Variants in LIMA1 observed in about 807,000 individuals in gnomAD.
The protein encoded by LIMA1 is LIM domain and actin-binding protein 1.
A neutral mutation model predicts 62.6 loss-of-function variants in LIMA1; 52 were observed. The ratio of observed to expected loss-of-function variants is 0.83; its 90% CI spans 0.67 to 1.05. The LOEUF is 1.05. Ranked by LOEUF, LIMA1 falls within the 50% of genes least tolerant of loss-of-function variation. The probability of loss-of-function intolerance (pLI) is 0.00; values close to 1 mark genes in which losing one functional copy is unlikely to be tolerated. For synonymous variants in LIMA1, 302 were observed against 317.8 expected (o/e 0.95, Z 0.53); for missense variants, 780 against 902.2 (o/e 0.86, Z 1.74).
Position 50,222,446 on chromosome 12 carries a change from G to C in LIMA1, c.205C>G (p.Leu69Val), listed in dbSNP as rs748740199. ...NLSQHFRKGT[L>V]TVLKKKWENP... Reference sequence around the variant, plus strand: ...TCCCACTTCTTCTTTAACACAGTCAGGGTCCCCTTTCTAAAGTGCTGGGAG... The same window carrying C: ...TCCCACTTCTTCTTTAACACAGTCACGGTCCCCTTTCTAAAGTGCTGGGAG... Residue 69 changes from leucine (L) to valine (V), a missense_variant, in exon 4 of 11, where the codon CTG becomes GTG. Leu to Val is a conservative substitution (Grantham distance 32, BLOSUM62 1). Coordinates refer to ENST00000341247, the MANE Select transcript of LIMA1 (RefSeq NM_016357.5). 2.5e-6 allele frequency: 4 copies of C among 1,614,170 alleles called. No individual in the cohort carries two copies. Among genetic ancestry groups the C allele is most frequent in the Non-Finnish European group, 3.4e-6 (4 of 1,180,026 alleles).
intron 1 of LIMA1, among the ~76,000 whole-genome samples, chr12:50,280,185 C>T (rs574189402): frequency 9.3e-6 from 1 of 107,210 alleles, no homozygotes; most frequent in Non-Finnish European, 1.7e-5. Flanking sequence ...GACGGAGTCT[C>T]ACTCTGTCAC....
chr12:50,260,878 T>G (rs116667672), intron 1 of LIMA1, among the ~76,000 whole-genome samples: 3,157 of 136,382 alleles, frequency 0.023, 115 homozygotes, highest in African/African-American at 0.084. Flanking sequence ...TGTTGAGATC[T>G]CTCACCACGA....
chr12:50,212,789 G>A (rs1482757051), intron 4 of LIMA1, among the ~76,000 whole-genome samples: 3 of 151,948 alleles, frequency 2.0e-5, no homozygotes, highest in Admixed American at 6.6e-5. Flanking sequence ...TAAGAACAAT[G>A]TTTAATGAAT....
chr12:50,238,522 A>C (rs1941728910), intron 2 of LIMA1, among the ~76,000 whole-genome samples: 1 of 151,570 alleles, frequency 6.6e-6, no homozygotes, highest in South Asian at 2.1e-4. Context: ...AAACAAAACA[A>C]AACAAACAAA....
At chr12:50,276,912 C>A (rs1942282204) in intron 1 of LIMA1, among the ~76,000 whole-genome samples, 1 of 151,196 alleles carries the variant, frequency 6.6e-6, no homozygotes, top group South Asian at 2.1e-4. Context: ...ATACTATATA[C>A]AAAATTAAAA....
At chr12:50,221,974 A>G in intron 4 of LIMA1, 47 bp downstream of exon 4, 2 of 1,503,660 alleles carry the variant, frequency 1.3e-6, no homozygotes, top group South Asian at 1.3e-5. Context: ...AGCTTTGTTT[A>G]GTGCTTGAAT....
chr12:50,205,757 T>C (rs1279418283), intron 5 of LIMA1, among the ~76,000 whole-genome samples: 1 of 129,192 alleles, frequency 7.7e-6, no homozygotes, highest in African/African-American at 3.1e-5. Context: ...CTCATGCCTG[T>C]AATCCCAGCA....
intron 1 of LIMA1, among the ~76,000 whole-genome samples, chr12:50,259,618 T>C (rs996899699): frequency 4.6e-5 from 7 of 152,178 alleles, no homozygotes; most frequent in Non-Finnish European, 8.8e-5. Context: ...ATGGAACCAC[T>C]AAATAACATC....
intron 4 of LIMA1, among the ~76,000 whole-genome samples, chr12:50,209,581 A>T (rs1021298778): frequency 8.0e-6 from 1 of 125,596 alleles, no homozygotes; most frequent in Non-Finnish European, 1.7e-5. Context: ...AAAAAAAAAA[A>T]AAAAAAGAAA....
intron 1 of LIMA1, among the ~76,000 whole-genome samples, chr12:50,282,163 C>T (rs530052219): frequency 1.3e-5 from 2 of 152,250 alleles, no homozygotes; most frequent in South Asian, 4.1e-4. Flanking sequence ...CTATCTAAAA[C>T]GTGATCATCC....
At chr12:50,188,056 AG>A (rs1196524501) in intron 9 of LIMA1, 6 of 152,348 alleles carry the variant, frequency 3.9e-5, no homozygotes, top group African/African-American at 1.4e-4. Context: ...AGTCTTACCA[AG>A]TAAGCTCTGT....
intron 1 of LIMA1, among the ~76,000 whole-genome samples, chr12:50,280,306 C>T (rs1238481498): frequency 6.6e-6 from 1 of 151,892 alleles, no homozygotes; most frequent in Non-Finnish European, 1.5e-5. Context: ...AGGCGCCTGC[C>T]ACCACGCCCG....
chr12:50,194,915 G>C (rs1328698122), intron 8 of LIMA1, among the ~76,000 whole-genome samples: 1 of 152,044 alleles, frequency 6.6e-6, no homozygotes, highest in Admixed American at 6.6e-5. Flanking sequence ...AGGCATGGTG[G>C]TGTGCGCCTG....
At chr12:50,255,067 A>G (rs1034746465) in intron 1 of LIMA1, among the ~76,000 whole-genome samples, 1 of 151,084 alleles carries the variant, frequency 6.6e-6, no homozygotes, top group African/African-American at 2.4e-5. Flanking sequence ...CCACCAAACC[A>G]AACCAAAAAA....
At chr12:50,267,092 C>T (rs998556494) in intron 1 of LIMA1, among the ~76,000 whole-genome samples, 4 of 152,008 alleles carry the variant, frequency 2.6e-5, no homozygotes, top group South Asian at 2.1e-4. Flanking sequence ...TTTTTTGAGA[C>T]GGAGTCTAGC....
At chr12:50,202,334 C>T (rs1941068051) in intron 6 of LIMA1, among the ~76,000 whole-genome samples, 1 of 151,926 alleles carries the variant, frequency 6.6e-6, no homozygotes, top group Admixed American at 6.6e-5. Flanking sequence ...AAAGAGTTTT[C>T]AACTCTTAAA....
chr12:50,264,259 A>T (rs1238409070), intron 1 of LIMA1, among the ~76,000 whole-genome samples: 1 of 152,170 alleles, frequency 6.6e-6, no homozygotes, highest in African/African-American at 2.4e-5. Context: ...TTTTCTCTGG[A>T]AGGTGATAAA....
At chr12:50,243,156 A>G (rs1297338183) in intron 2 of LIMA1, among the ~76,000 whole-genome samples, 1 of 152,360 alleles carries the variant, frequency 6.6e-6, no homozygotes, top group East Asian at 1.9e-4. Flanking sequence ...ATAAAGGACC[A>G]TGGGACACAA....
rs1243187315 is a variant in LIMA1 at position 50,177,579 on chromosome 12, G to A, written c.1765C>T (p.Arg589Cys). The A allele has an allele frequency of 2.5e-6, 4 of 1,611,536 alleles. No homozygotes were observed. Among genetic ancestry groups the A allele is most frequent in the Admixed American group, 3.4e-5 (2 of 59,572 alleles). Residue 589 changes from arginine to cysteine, a missense_variant, in exon 11 of 11, where the codon CGC becomes TGC. Transcript: ENST00000341247. Reference protein sequence around the residue: ...RRSSSLKERSRPFTVAASFQS... With the variant: ...RRSSSLKERSCPFTVAASFQS... ...AATGAAGCTGCTACAGTGAATGGGC[G>A]GCTTCTTTCCTTCAGTGAAGAAGAT... is the stretch of plus-strand genomic sequence containing the variant.
Sources: gnomAD v4.1 joint callset for allele counts (sites outside exome capture counted in the v4.1 genomes callset) on GRCh38, gnomAD v4.1.1 for gene constraint, MANE v1.5 for transcripts, NCBI Gene and HGNC (gene_info 2026-07-23, HGNC 2026-07-21) for gene names.